The following DRC8 variants were observed in gnomAD, a reference collection of about 807,000 sequenced individuals.
The protein encoded by DRC8 is dynein regulatory complex protein 8.
At chr1:245,083,196 C>T in the DRC8 span, among the ~76,000 whole-genome samples, 2 of 152,092 alleles carry the variant, frequency 1.3e-5, no homozygotes, top group African/African-American at 4.8e-5. Context: ...CATAGGAATG[C>T]GAACCCTATT....
chr1:245,024,809 G>T, the DRC8 span, among the ~76,000 whole-genome samples: 1 of 152,070 alleles, frequency 6.6e-6, no homozygotes, highest in Admixed American at 6.5e-5. Flanking sequence ...CTCCCAAAGT[G>T]CTGGGATTAC....
the DRC8 span, among the ~76,000 whole-genome samples, chr1:245,032,731 G>A: frequency 6.6e-6 from 1 of 152,176 alleles, no homozygotes; most frequent in South Asian, 2.1e-4. Context: ...ATTAGGAAAT[G>A]AATCTGTAAA....
the DRC8 span, among the ~76,000 whole-genome samples, chr1:245,009,732 G>T: frequency 0.091 from 13,852 of 152,254 alleles, 819 homozygotes; most frequent in African/African-American, 0.16. Flanking sequence ...CTCCCAAAGT[G>T]CTGGGATTAC....
the DRC8 span, chr1:245,087,760 GCTT>G: frequency 3.8e-4 from 375 of 984,908 alleles, no homozygotes; most frequent in African/African-American, 6.0e-3. Flanking sequence ...TGTAATGAAG[GCTT>G]CTTTTTTAAA....
chr1:245,001,951 C>A, the DRC8 span, among the ~76,000 whole-genome samples: 3 of 152,200 alleles, frequency 2.0e-5, no homozygotes, highest in African/African-American at 7.2e-5. Context: ...TCTTTGAGGT[C>A]ATCTTCCATC....
the DRC8 span, among the ~76,000 whole-genome samples, chr1:245,041,340 G>A: frequency 6.6e-6 from 1 of 152,190 alleles, no homozygotes; most frequent in Non-Finnish European, 1.5e-5. Flanking sequence ...CGGTGCAGTT[G>A]ATCAGGAAGA....
the DRC8 span, among the ~76,000 whole-genome samples, chr1:245,029,421 C>T: frequency 2.6e-5 from 4 of 152,154 alleles, no homozygotes; most frequent in Non-Finnish European, 5.9e-5. Flanking sequence ...CCTCAGCCTC[C>T]CAAGTAGCTG....
At chr1:245,072,038 T>C in the DRC8 span, among the ~76,000 whole-genome samples, 1 of 152,310 alleles carries the variant, frequency 6.6e-6, no homozygotes, top group South Asian at 2.1e-4. Context: ...AAACGAAACA[T>C]CCTCTTACCA....
At chr1:245,051,249 G>A in the DRC8 span, among the ~76,000 whole-genome samples, 47 of 152,098 alleles carry the variant, frequency 3.1e-4, 1 homozygote, top group East Asian at 8.3e-3. Context: ...AAAATCAGCT[G>A]GGCATGATGG....
chr1:245,016,349 T>G, the DRC8 span, among the ~76,000 whole-genome samples: 1 of 152,180 alleles, frequency 6.6e-6, no homozygotes, highest in Non-Finnish European at 1.5e-5. Flanking sequence ...CTGCACTTAC[T>G]GTTCTCTCTG....
At chr1:245,039,300 CAAAAAAAAAAAAAAAAAAA>C in the DRC8 span, among the ~76,000 whole-genome samples, 3 of 27,436 alleles carry the variant, frequency 1.1e-4, no homozygotes, top group African/African-American at 4.7e-4. Context: ...CTTGTCTCTA[CAAAAAAAAAAAAAAAAAAA>C]AAAAAAAAAA....
the DRC8 span, among the ~76,000 whole-genome samples, chr1:245,031,112 G>T: frequency 6.6e-6 from 1 of 152,112 alleles, no homozygotes; most frequent in African/African-American, 2.4e-5. Context: ...TAATGAGGTT[G>T]TTTGAGCCTA....
At chr1:244,982,809 G>T in the DRC8 span, among the ~76,000 whole-genome samples, 1 of 151,374 alleles carries the variant, frequency 6.6e-6, no homozygotes. Context: ...GGCTGAGCGG[G>T]CCCAGCACTT....
chr1:245,091,623 C>T, the DRC8 span: 4 of 152,210 alleles, frequency 2.6e-5, no homozygotes, highest in Non-Finnish European at 5.9e-5. Context: ...CAAGGCAATC[C>T]TCTCTGTTTA....
chr1:245,063,228 A>G, the DRC8 span, among the ~76,000 whole-genome samples: 1 of 152,004 alleles, frequency 6.6e-6, no homozygotes, highest in Non-Finnish European at 1.5e-5. Context: ...GTTTGGTGTC[A>G]CTTGTTCCAG....
chr1:245,078,854 A>G, the DRC8 span, among the ~76,000 whole-genome samples: 1 of 152,184 alleles, frequency 6.6e-6, no homozygotes, highest in Non-Finnish European at 1.5e-5. Context: ...GTCGGTGGAT[A>G]AGTTAATTAG....
At chr1:245,025,057 T>A in the DRC8 span, among the ~76,000 whole-genome samples, 19 of 152,310 alleles carry the variant, frequency 1.2e-4, no homozygotes, top group South Asian at 1.7e-3. Context: ...TTTTTTTTTT[T>A]AATTTAGTCA....
chr1:244,994,516 G>A, the DRC8 span, among the ~76,000 whole-genome samples: 5 of 151,896 alleles, frequency 3.3e-5, no homozygotes, highest in African/African-American at 9.7e-5. Context: ...TGTAACCTCC[G>A]CCTCCTGGGC....
At chr1:245,011,606 A>G in the DRC8 span, among the ~76,000 whole-genome samples, 8 of 152,176 alleles carry the variant, frequency 5.3e-5, no homozygotes, top group Admixed American at 4.6e-4. Flanking sequence ...TGGATTTAGC[A>G]TTTTCAGATT....
Sources: gnomAD v4.1 joint callset for allele counts (sites outside exome capture counted in the v4.1 genomes callset) on GRCh38, gnomAD v4.1.1 for gene constraint, MANE v1.5 for transcripts, NCBI Gene and HGNC (gene_info 2026-07-23, HGNC 2026-07-21) for gene names.